Variants in MED26 observed in about 807,000 individuals in gnomAD.
The protein encoded by MED26 is mediator of RNA polymerase II transcription subunit 26.
Under a neutral mutation model 43.7 loss-of-function variants are expected in MED26, and 7 were observed. The ratio of observed to expected loss-of-function variants is 0.16; its 90% CI spans 0.09 to 0.30. The LOEUF (loss-of-function observed/expected upper bound fraction) is 0.30. Ranked by LOEUF, MED26 falls within the 10% of genes least tolerant of loss-of-function variation. MED26 has a pLI of 1.00. For synonymous variants in MED26, 375 were observed against 371.1 expected (o/e 1.01, Z -0.12); for missense variants, 784 against 840.6 (o/e 0.93, Z 0.83).
chr19:16,576,602 C>A lies in MED26; in HGVS notation c.1228G>T (p.Val410Leu). The stretch of plus-strand genomic sequence containing the variant: ...ACAGGCTTGACGCCCGCCTCAGCCA[C>A]CTGCCCGTCCAAGTTAACCGTATAG... ...RDYTVNLDGQVAEAGVKPVRL... is the reference protein window; with the variant it reads ...RDYTVNLDGQLAEAGVKPVRL... The change falls in exon 3 of 3, where the codon GTG becomes TTG. Residue 410 changes from valine to leucine, a missense_variant. Physicochemically the swap from Val to Leu is conservative, Grantham distance 32 (BLOSUM62 1). Transcript: ENST00000263390. This position sits in a 1 kb window ranked among gnomAD's most constrained non-coding sequence, Gnocchi z 6.8. The A allele has an allele frequency of 6.2e-7, 1 of 1,614,250 alleles. No homozygotes were observed. The highest frequency in any genetic ancestry group is 8.5e-7 in the Non-Finnish European group (1 of 1,180,044).
intron 1 of MED26, among the ~76,000 whole-genome samples, chr19:16,583,440 C>A (rs576741495): frequency 6.6e-6 from 1 of 151,856 alleles, no homozygotes; most frequent in African/African-American, 2.4e-5. Flanking sequence ...CCCCTGCCCA[C>A]TTAATTTGCT....
chr19:16,579,383 A>G (rs566118140), intron 1 of MED26, among the ~76,000 whole-genome samples: 2 of 152,346 alleles, frequency 1.3e-5, no homozygotes, highest in Admixed American at 6.5e-5. Flanking sequence ...CCACAAATGG[A>G]TACATGATAC....
Position 16,587,540 on chromosome 19 carries a change from G to C in MED26, c.73-9131C>G, listed in dbSNP as rs2122395893. On this transcript the variant is annotated intron_variant, in intron 1 of 2. Coordinates refer to ENST00000263390, the MANE Select transcript of MED26 (RefSeq NM_004831.5). The surrounding 1 kb of genome is among the most constrained non-coding windows in gnomAD (Gnocchi z 4.9). ...TCAAACCCCAGGGGCAAAGCCTCAA[G>C]TTCACAGCTTCTCAGAGGAAGAATG... 1 of 152,368 alleles carries C rather than the reference G, an allele frequency of 6.6e-6. No individual in the cohort carries two copies. The highest frequency in any genetic ancestry group is 1.9e-4 in the East Asian group (1 of 5,184). The allele number at this position is 152,368 out of a possible 1,614,324, so 9.4% of individuals were successfully genotyped here.
At chr19:16,613,995 A>C (rs1485576002) in intron 1 of MED26, among the ~76,000 whole-genome samples, 3 of 152,192 alleles carry the variant, frequency 2.0e-5, no homozygotes, top group Non-Finnish European at 4.4e-5. Flanking sequence ...TGTCACAGGA[A>C]GACAGTACCA....
rs756839202 is a variant in MED26 at position 16,627,858 on chromosome 19, C to T, written c.72+14G>A. 148 of 1,475,392 alleles carry T rather than the reference C, an allele frequency of 1.0e-4. No individual in the cohort carries two copies. The highest frequency in any genetic ancestry group is 1.3e-4 in the Non-Finnish European group (144 of 1,105,924). The allele number at this position is 1,475,392 out of a possible 1,614,324, so 91.4% of individuals were successfully genotyped here. On this transcript the variant is annotated intron_variant, in intron 1 of 2. Coordinates refer to ENST00000263390, the MANE Select transcript of MED26 (RefSeq NM_004831.5). ...CATGCGGCCTCCGTCCCAGCTCGCG[C>T]GGCGGGTACTTACGTTGCTCTGGGG... is the stretch of plus-strand genomic sequence containing the variant.
At chr19:16,615,480 C>T (rs774536596) in intron 1 of MED26, among the ~76,000 whole-genome samples, 12 of 152,172 alleles carry the variant, frequency 7.9e-5, no homozygotes, top group Non-Finnish European at 1.2e-4. Context: ...TGGGGACTCA[C>T]GCCTGTCATT....
intron 1 of MED26, among the ~76,000 whole-genome samples, chr19:16,606,093 G>T (rs567818664): frequency 6.6e-6 from 1 of 152,172 alleles, no homozygotes; most frequent in African/African-American, 2.4e-5. Flanking sequence ...GCTCTACCTC[G>T]CCCTTAGCGG....
intron 1 of MED26, chr19:16,611,868 C>A (rs1189747727): frequency 6.6e-6 from 1 of 152,134 alleles, no homozygotes; most frequent in Non-Finnish European, 1.5e-5. Flanking sequence ...TTATGTTGGT[C>A]AGTCTGGTCT....
chr19:16,584,300 C>A (rs867438499), intron 1 of MED26, among the ~76,000 whole-genome samples: 16 of 141,540 alleles, frequency 1.1e-4, no homozygotes, highest in South Asian at 6.6e-4. Context: ...CACTGCCCCC[C>A]CCCGCCCCGC....
At chr19:16,584,299 C>CT (rs1031424287) in intron 1 of MED26, among the ~76,000 whole-genome samples, 2 of 142,094 alleles carry the variant, frequency 1.4e-5, no homozygotes, top group African/African-American at 5.7e-5. Context: ...ACACTGCCCC[C>CT]CCCCGCCCCG....
intron 1 of MED26, chr19:16,611,565 A>G (rs2086199538): frequency 6.6e-6 from 1 of 152,176 alleles, no homozygotes. Context: ...ACAATGGAGC[A>G]TAGGGGAAAA....
At chr19:16,617,936 G>C (rs2086233463) in intron 1 of MED26, among the ~76,000 whole-genome samples, 1 of 152,198 alleles carries the variant, frequency 6.6e-6, no homozygotes, top group Non-Finnish European at 1.5e-5. Flanking sequence ...AGGCAAAAGG[G>C]GGAGCAGACA....
rs944989531 is a variant in MED26, at chr19:16,606,060, C to T, written c.72+21812G>A. 9.8e-5 allele frequency among the ~76,000 whole-genome samples: 15 copies of T among 152,344 alleles called. No homozygotes were observed. In the East Asian group the frequency reaches 2.5e-3, roughly 25 times the overall value. ...AGCATCGGATCACTACCACACCAGA[C>T]AGCCAGACAGAGCCAAGCTGTAGCT... is the stretch of plus-strand genomic sequence containing the variant. On this transcript the variant is annotated intron_variant, in intron 1 of 2. Coordinates refer to ENST00000263390, the MANE Select transcript of MED26 (RefSeq NM_004831.5).
chr19:16,592,769 G>A (rs555857683), intron 1 of MED26, among the ~76,000 whole-genome samples: 3 of 152,248 alleles, frequency 2.0e-5, no homozygotes, highest in Non-Finnish European at 4.4e-5. Context: ...TAGCTTCTGC[G>A]GGCTGGACCG....
At chr19:16,578,607 T>C in intron 1 of MED26, 198 bp from the exon 2 acceptor site, 1 of 587,860 alleles carries the variant, frequency 1.7e-6, no homozygotes, top group Non-Finnish European at 3.0e-6. Context: ...ACCTGCCGTC[T>C]GACCTCCTCC....
At chr19:16,590,031 G>A (rs1218488323) in intron 1 of MED26, among the ~76,000 whole-genome samples, 2 of 152,240 alleles carry the variant, frequency 1.3e-5, no homozygotes, top group East Asian at 1.9e-4. Context: ...ACTGAGAAAC[G>A]TGTCTGCACT....
intron 1 of MED26, among the ~76,000 whole-genome samples, chr19:16,616,459 C>G (rs540302497): frequency 6.6e-6 from 1 of 152,298 alleles, no homozygotes; most frequent in African/African-American, 2.4e-5. Context: ...TATCTGTTTT[C>G]AGACACACAG....
chr19:16,577,058 C>T lies in MED26; in HGVS notation c.772G>A (p.Glu258Lys), dbSNP rs775414135. The T allele has an allele frequency of 2.0e-5, 32 of 1,608,424 alleles. 1 individual carries two copies. In the Middle Eastern group the frequency reaches 4.9e-4, roughly 25 times the overall value. Residue 258 changes from glutamate to lysine, a missense_variant, in exon 3 of 3, where the codon GAG becomes AAG. By Grantham distance (56) the Glu-to-Lys change is moderately conservative (BLOSUM62 1). Around this residue, in one of 3 missense-constraint regions of MED26, gnomAD observed 719 missense variants for 730.9 expected, o/e 0.98. Coordinates refer to ENST00000263390, the MANE Select transcript of MED26 (RefSeq NM_004831.5). The surrounding 1 kb of genome is among the most constrained non-coding windows in gnomAD (Gnocchi z 8.1). ...SVLQQLDRVD[E>K]TPGPPHPKGP... ...TTGGGATGGGGAGGCCCCGGAGTCTCGTCCACCCTGTCCAGCTGCTGCAGC... is the reference window on the plus strand; with the variant it reads ...TTGGGATGGGGAGGCCCCGGAGTCTTGTCCACCCTGTCCAGCTGCTGCAGC...
intron 1 of MED26, among the ~76,000 whole-genome samples, chr19:16,619,177 A>G (rs1261008165): frequency 6.6e-6 from 1 of 152,218 alleles, no homozygotes; most frequent in Non-Finnish European, 1.5e-5. Context: ...TGACCACCCA[A>G]AAGGATAAAA....
Sources: allele counts gnomAD v4.1 joint callset (sites outside exome capture counted in the v4.1 genomes callset), GRCh38; gene constraint gnomAD v4.1.1; regional missense constraint gnomAD v4.1.1; non-coding constraint Gnocchi (gnomAD v3.1); transcripts MANE v1.5; gene names NCBI Gene and HGNC (gene_info 2026-07-23, HGNC 2026-07-21).